The following COL5A2 variants were observed in gnomAD, a reference collection of about 807,000 sequenced individuals.
COL5A2 encodes the protein collagen type V alpha 2 chain.
COL5A2 carries 23 observed loss-of-function variants against 208.2 expected under a neutral mutation model. That is an observed-to-expected ratio of 0.11 (90% CI 0.08 to 0.16). The LOEUF (loss-of-function observed/expected upper bound fraction) is 0.16. COL5A2 is among the 10% of genes least tolerant of loss of function. The pLI is 1.00. For missense variants in COL5A2, 1,590 were observed against 1,956.4 expected, an observed-to-expected ratio of 0.81 and a Z score of 3.53; for synonymous variants, 625 against 628.5, an observed-to-expected ratio of 0.99 and a Z score of 0.08.
chr2:189,075,520 C>T (rs1333675788), intron 16 of COL5A2, 83 bp from the exon 17 acceptor site: 11 of 1,078,052 alleles, frequency 1.0e-5, no homozygotes, highest in Admixed American at 1.8e-5. Context: ...AAAAAATTTC[C>T]ATATTGCAAA....
chr2:189,176,105 T>G (rs1054117077), intron 1 of COL5A2, among the ~76,000 whole-genome samples: 22 of 152,102 alleles, frequency 1.4e-4, no homozygotes, highest in Admixed American at 4.6e-4. Context: ...AACAATGAGA[T>G]AAATGGCAGA....
At chr2:189,342,197 CT>C in the COL5A2 span, among the ~76,000 whole-genome samples, 1,219 of 135,474 alleles carry the variant, frequency 9.0e-3, 11 homozygotes, top group African/African-American at 0.023. Context: ...CTAGTGTGCT[CT>C]TTTTTTTTTT....
the COL5A2 span, among the ~76,000 whole-genome samples, chr2:189,263,465 G>A: frequency 6.6e-6 from 1 of 152,074 alleles, no homozygotes; most frequent in Non-Finnish European, 1.5e-5. Flanking sequence ...CTATTACCTA[G>A]TGACGTAGCT....
chr2:189,279,947 G>A, the COL5A2 span, among the ~76,000 whole-genome samples: 1 of 152,068 alleles, frequency 6.6e-6, no homozygotes, highest in Admixed American at 6.6e-5. Flanking sequence ...AGGTCATTAG[G>A]TCATGAGGGT....
At chr2:189,309,366 C>T in the COL5A2 span, among the ~76,000 whole-genome samples, 1 of 152,180 alleles carries the variant, frequency 6.6e-6, no homozygotes, top group East Asian at 1.9e-4. Flanking sequence ...ATACGACCTT[C>T]TAGGAGCATT....
At chr2:189,416,328 T>C in the COL5A2 span, among the ~76,000 whole-genome samples, 12 of 152,262 alleles carry the variant, frequency 7.9e-5, no homozygotes, top group East Asian at 2.1e-3. Context: ...CCAACAATGA[T>C]AGACTGGATT....
chr2:189,210,366 C>T (rs906029369), intron 1 of COL5A2, among the ~76,000 whole-genome samples: 1 of 150,346 alleles, frequency 6.7e-6, no homozygotes, highest in Non-Finnish European at 1.5e-5. Flanking sequence ...CAACCCTAGC[C>T]GAGGAGAATG....
chr2:189,260,290 T>C, the COL5A2 span, among the ~76,000 whole-genome samples: 1 of 152,122 alleles, frequency 6.6e-6, no homozygotes, highest in Non-Finnish European at 1.5e-5. Flanking sequence ...CAAACAGAGA[T>C]AATGTCTTTT....
At chr2:189,057,643 TTTCTC>T (rs1234719447) in intron 33 of COL5A2, among the ~76,000 whole-genome samples, 2 of 152,222 alleles carry the variant, frequency 1.3e-5, no homozygotes, top group South Asian at 2.1e-4. Flanking sequence ...ATTTTTAACT[TTTCTC>T]TTAAGAGGCA....
At chr2:189,375,466 T>C in the COL5A2 span, among the ~76,000 whole-genome samples, 3 of 152,254 alleles carry the variant, frequency 2.0e-5, no homozygotes, top group Non-Finnish European at 4.4e-5. Flanking sequence ...TTTCTCATCT[T>C]CACAATGGGG....
At chr2:189,189,081 T>G (rs769660675) in intron 1 of COL5A2, among the ~76,000 whole-genome samples, 1 of 152,214 alleles carries the variant, frequency 6.6e-6, no homozygotes, top group East Asian at 1.9e-4. Context: ...GAATTTTATA[T>G]AAATCTGCCA....
Position 189,061,618 on chromosome 2 carries a change from A to C in COL5A2, c.1978-3T>G. 2 of 1,611,524 alleles carry C rather than the reference A, an allele frequency of 1.2e-6. No individual in the cohort carries two copies. The highest frequency in any genetic ancestry group is 1.7e-6 in the Non-Finnish European group (2 of 1,177,816). On this transcript the variant is annotated splice_region_variant and splice_polypyrimidine_tract_variant and intron_variant, in intron 29 of 53. Coordinates refer to ENST00000374866, the MANE Select transcript of COL5A2 (RefSeq NM_000393.5). Reference sequence around the variant, plus strand: ...TCTCCTCTTTCACCAGCTAGACCCTAAGTTGTGAAGGAGAAAATAATTGTG... The same window carrying C: ...TCTCCTCTTTCACCAGCTAGACCCTCAGTTGTGAAGGAGAAAATAATTGTG...
At chr2:189,364,852 C>G in the COL5A2 span, among the ~76,000 whole-genome samples, 1 of 152,132 alleles carries the variant, frequency 6.6e-6, no homozygotes, top group African/African-American at 2.4e-5. Context: ...CAGGTAAAAA[C>G]TAAGGAAATC....
At chr2:189,138,414 G>T (rs1272820713) in intron 1 of COL5A2, among the ~76,000 whole-genome samples, 11 of 152,032 alleles carry the variant, frequency 7.2e-5, no homozygotes, top group Admixed American at 6.6e-4. Context: ...CTTCTCAGGC[G>T]ATTCTACTGT....
the COL5A2 span, among the ~76,000 whole-genome samples, chr2:189,415,340 T>C: frequency 3.4e-4 from 52 of 152,348 alleles, no homozygotes; most frequent in African/African-American, 1.2e-3. Context: ...TTGAATTTTC[T>C]TGAACCGTGG....
chr2:189,203,174 T>C (rs553717474), intron 1 of COL5A2, among the ~76,000 whole-genome samples: 1 of 152,338 alleles, frequency 6.6e-6, no homozygotes, highest in South Asian at 2.1e-4. Flanking sequence ...CGTAATATAA[T>C]CGCCCTGCCT....
chr2:189,320,139 G>A, the COL5A2 span, among the ~76,000 whole-genome samples: 1 of 152,122 alleles, frequency 6.6e-6, no homozygotes, highest in Admixed American at 6.5e-5. Context: ...AAACAGAAAG[G>A]ACATCCACAC....
At chr2:189,070,995 T>C (rs1686263144) in intron 18 of COL5A2, among the ~76,000 whole-genome samples, 1 of 152,228 alleles carries the variant, frequency 6.6e-6, no homozygotes, top group African/African-American at 2.4e-5. Flanking sequence ...ATAATTTGAC[T>C]TGGTGATTCT....
the COL5A2 span, among the ~76,000 whole-genome samples, chr2:189,265,071 G>T: frequency 6.6e-6 from 1 of 152,184 alleles, no homozygotes; most frequent in East Asian, 1.9e-4. Flanking sequence ...ATCCCTGGGG[G>T]ACCAAGATCA....
Sources: gnomAD v4.1 joint callset for allele counts (sites outside exome capture counted in the v4.1 genomes callset) on GRCh38, gnomAD v4.1.1 for gene constraint, MANE v1.5 for transcripts, NCBI Gene and HGNC (gene_info 2026-07-23, HGNC 2026-07-21) for gene names.